The following HEMK2 variants were observed in gnomAD, a reference collection of about 807,000 sequenced individuals.
HEMK2 encodes methyltransferase HEMK2.
chr21:28,605,754 T>C, the HEMK2 span, among the ~76,000 whole-genome samples: 1 of 152,330 alleles, frequency 6.6e-6, no homozygotes, highest in Admixed American at 6.5e-5. Context: ...TATATGTGTA[T>C]ATCAAGTATA....
At chr21:28,598,273 G>A in the HEMK2 span, among the ~76,000 whole-genome samples, 4 of 152,172 alleles carry the variant, frequency 2.6e-5, no homozygotes, top group East Asian at 3.8e-4. Flanking sequence ...TGATCATAAC[G>A]TTTATGGTGA....
the HEMK2 span, among the ~76,000 whole-genome samples, chr21:28,694,120 T>C: frequency 2.0e-4 from 31 of 152,226 alleles, no homozygotes; most frequent in Non-Finnish European, 3.5e-4. Context: ...TTTGTAATTA[T>C]TGGCCTGGCC....
chr21:28,824,525 A>G, the HEMK2 span, among the ~76,000 whole-genome samples: 2 of 152,232 alleles, frequency 1.3e-5, no homozygotes, highest in African/African-American at 4.8e-5. Context: ...CTGTAATGTA[A>G]TTAGAAGAAA....
chr21:28,691,157 C>T, the HEMK2 span, among the ~76,000 whole-genome samples: 1 of 152,138 alleles, frequency 6.6e-6, no homozygotes. Flanking sequence ...ATAATTCTAT[C>T]ACTTCTTTCT....
At chr21:28,754,989 G>C in the HEMK2 span, among the ~76,000 whole-genome samples, 1 of 152,312 alleles carries the variant, frequency 6.6e-6, no homozygotes, top group East Asian at 1.9e-4. Context: ...GGCTTCTTGA[G>C]GGTTGTGGCA....
At chr21:28,871,280 G>C in the HEMK2 span, among the ~76,000 whole-genome samples, 2 of 152,180 alleles carry the variant, frequency 1.3e-5, no homozygotes, top group African/African-American at 4.8e-5. Context: ...AAGCATGGCT[G>C]GGGAGGCCTC....
chr21:28,755,793 G>A, the HEMK2 span, among the ~76,000 whole-genome samples: 1,661 of 152,256 alleles, frequency 0.011, 24 homozygotes, highest in African/African-American at 0.038. Flanking sequence ...TAAGAGCAAC[G>A]CCATTTCTGT....
At chr21:28,818,408 A>C in the HEMK2 span, among the ~76,000 whole-genome samples, 1 of 152,050 alleles carries the variant, frequency 6.6e-6, no homozygotes, top group African/African-American at 2.4e-5. Flanking sequence ...ACCTCACCTT[A>C]TGATTGTGTA....
chr21:28,668,787 A>G, the HEMK2 span, among the ~76,000 whole-genome samples: 4 of 152,242 alleles, frequency 2.6e-5, no homozygotes, highest in Non-Finnish European at 5.9e-5. Flanking sequence ...GTTGAAGAGC[A>G]TCAAAATCAC....
the HEMK2 span, among the ~76,000 whole-genome samples, chr21:28,679,456 C>G: frequency 6.6e-6 from 1 of 152,152 alleles, no homozygotes; most frequent in Non-Finnish European, 1.5e-5. Context: ...TAATGGTAGA[C>G]TTTAACACCC....
the HEMK2 span, among the ~76,000 whole-genome samples, chr21:28,585,804 G>A: frequency 0.024 from 3,593 of 152,006 alleles, 150 homozygotes; most frequent in African/African-American, 0.083. Flanking sequence ...AAAAGATAAC[G>A]GCTAAAAATT....
the HEMK2 span, among the ~76,000 whole-genome samples, chr21:28,656,433 G>C: frequency 1.3e-5 from 2 of 151,790 alleles, no homozygotes; most frequent in African/African-American, 4.8e-5. Context: ...AATCCCTCTT[G>C]TGGGTGAATT....
At chr21:28,743,174 A>G in the HEMK2 span, 1 of 152,196 alleles carries the variant, frequency 6.6e-6, no homozygotes, top group Admixed American at 6.5e-5. Context: ...GAAGTCTTGG[A>G]AAATGTGGAG....
chr21:28,841,316 A>T, the HEMK2 span, among the ~76,000 whole-genome samples: 7 of 9,822 alleles, frequency 7.1e-4, 1 homozygote, highest in African/African-American at 6.7e-3. Flanking sequence ...ATAATATATA[A>T]TATATATTAT....
At chr21:28,582,453 T>C in the HEMK2 span, among the ~76,000 whole-genome samples, 1 of 152,182 alleles carries the variant, frequency 6.6e-6, no homozygotes, top group Non-Finnish European at 1.5e-5. Context: ...GTTTTACCAG[T>C]AACATATTAT....
the HEMK2 span, among the ~76,000 whole-genome samples, chr21:28,810,654 G>C: frequency 1.3e-5 from 2 of 152,144 alleles, no homozygotes; most frequent in African/African-American, 4.8e-5. Flanking sequence ...ACTTAGACGG[G>C]CAAGGATATT....
chr21:28,790,763 A>G, the HEMK2 span, among the ~76,000 whole-genome samples: 2 of 141,866 alleles, frequency 1.4e-5, no homozygotes, highest in African/African-American at 5.3e-5. Flanking sequence ...TGTATTCTAA[A>G]TGCTTTTTTG....
At chr21:28,606,845 T>C in the HEMK2 span, among the ~76,000 whole-genome samples, 3 of 152,226 alleles carry the variant, frequency 2.0e-5, no homozygotes, top group African/African-American at 2.4e-5. Flanking sequence ...AAAGTATCTA[T>C]GATATTTGGA....
the HEMK2 span, among the ~76,000 whole-genome samples, chr21:28,740,290 A>C: frequency 6.6e-6 from 1 of 152,232 alleles, no homozygotes; most frequent in Admixed American, 6.5e-5. Flanking sequence ...AGACCACGCA[A>C]TAAGATTTTC....
Sources: allele counts gnomAD v4.1 joint callset (sites outside exome capture counted in the v4.1 genomes callset), GRCh38; gene constraint gnomAD v4.1.1; transcripts MANE v1.5; gene names NCBI Gene and HGNC (gene_info 2026-07-23, HGNC 2026-07-21).